The following PCCB variants were observed in gnomAD, a reference collection of about 807,000 sequenced individuals.
PCCB encodes propionyl-CoA carboxylase beta chain, mitochondrial.
Under a neutral mutation model 60.7 loss-of-function variants are expected in PCCB, and 43 were observed. The observed-to-expected ratio is 0.71, with a 90% CI of 0.55 to 0.91. PCCB has a LOEUF of 0.91. Ranked by LOEUF, PCCB falls within the 40% of genes least tolerant of loss-of-function variation. PCCB has a pLI of 0.00. For synonymous variants in PCCB, 276 were observed against 255.9 expected, an observed-to-expected ratio of 1.08 and a Z score of -0.75; for missense variants, 766 against 702.8, an observed-to-expected ratio of 1.09 and a Z score of -1.02.
chr3:136,294,383 C>T (rs1257342489), intron 7 of PCCB, among the ~76,000 whole-genome samples: 1 of 150,002 alleles, frequency 6.7e-6, no homozygotes, highest in Non-Finnish European at 1.5e-5. Context: ...ACAATCTTAG[C>T]TTATTGCAAC....
intron 8 of PCCB, among the ~76,000 whole-genome samples, chr3:136,300,826 C>T (rs1279939652): frequency 2.6e-5 from 4 of 152,146 alleles, no homozygotes. Flanking sequence ...ACCAGAAGAT[C>T]TTTTGGATTG....
chr3:136,269,846 A>T (rs1237561207), intron 5 of PCCB, among the ~76,000 whole-genome samples: 2 of 145,940 alleles, frequency 1.4e-5, no homozygotes, highest in African/African-American at 5.1e-5. Context: ...AGATCGTGCT[A>T]CTGCACTCCA....
At chr3:136,287,443 T>G (rs560261662) in intron 6 of PCCB, among the ~76,000 whole-genome samples, 2 of 152,140 alleles carry the variant, frequency 1.3e-5, no homozygotes, top group South Asian at 4.1e-4. Context: ...TTTTTTGTTT[T>G]TTTTTTGAGA....
At position 136,308,418 on chromosome 3, in the gene PCCB, G is replaced by A. The variant is rs1934528196; in HGVS notation, c.966+7307G>A. 3.3e-5 allele frequency among the ~76,000 whole-genome samples: 5 copies of A among 152,148 alleles called. No homozygotes were observed. The South Asian group carries it at 1.0e-3, about 32-fold the overall frequency. On this transcript the variant is annotated intron_variant, in intron 9 of 14. Transcript: ENST00000251654. ...TCACAATGATAATGTAAAGCATATC[G>A]AATATCTGTGCCAGAAATAACCACC...
In PCCB at chr3:136,264,440, G is replaced by GTGTATATATATATATATATATATA; in HGVS notation, c.543+2376_543+2377insGTATATATATATATATATATATAT. 7.2e-3 allele frequency among the ~76,000 whole-genome samples: 884 copies of GTGTATATATATATATATATATATA among 123,534 alleles called. 60 individuals carry two copies. Among genetic ancestry groups the GTGTATATATATATATATATATATA allele is most frequent in the African/African-American group, 0.021 (707 of 32,918 alleles). 81.0% of individuals were successfully genotyped at this position (123,534 alleles called of 152,430 possible). On this transcript the variant is annotated intron_variant, in intron 5 of 14. Transcript: ENST00000251654. ...CTGTCTCTCATATATATGTGTGTGTGTATATATGTATATATATATATGTTC... is the reference window on the plus strand; with the variant it reads ...CTGTCTCTCATATATATGTGTGTGTGTGTATATATATATATATATATATATATATATGTATATATATATATGTTC...
In PCCB at chr3:136,255,726, G is replaced by C; in HGVS notation, c.184-130G>C. On this transcript the variant is annotated intron_variant, in intron 1 of 14. Transcript: ENST00000251654. ...ACACCTATCTGCCTTGGGCAGGTTG[G>C]ATAGAATGAAAGTACTTGCATTGAG... The C allele has an allele frequency of 3.7e-6, 3 of 814,554 alleles. No homozygotes were observed. In the South Asian group the frequency reaches 4.1e-5, roughly 11 times the overall value. The allele number at this position is 814,554 out of a possible 1,614,324, so 50.5% of individuals were successfully genotyped here. A position where few individuals can be genotyped will look rare whatever the true frequency, so the allele number is the denominator to read the frequency against.
At chr3:136,329,792 G>T in intron 14 of PCCB, 113 bp from the exon 15 acceptor site, 2 of 1,103,158 alleles carry the variant, frequency 1.8e-6, no homozygotes, top group Non-Finnish European at 1.4e-6. Flanking sequence ...GTATCAGGTT[G>T]GGCACTGCTT....
At position 136,250,603 on chromosome 3, in the gene PCCB, G is replaced by A. The variant is rs1300901760; in HGVS notation, c.183+45G>A. On this transcript the variant is annotated intron_variant, in intron 1 of 14. Transcript: ENST00000251654. ...AGTGAGTCCCGCCCCTGGCGTCCGC[G>A]ACCTATCACTGCGTGCCCGGCTTGC... 3 of 1,563,876 alleles carry A rather than the reference G, an allele frequency of 1.9e-6. No homozygotes were observed. In the Admixed American group the frequency reaches 5.5e-5, roughly 29 times the overall value.
chr3:136,314,724 A>T (rs1439456393), intron 9 of PCCB, among the ~76,000 whole-genome samples: 1 of 152,196 alleles, frequency 6.6e-6, no homozygotes, highest in African/African-American at 2.4e-5. Context: ...TCATGACAGT[A>T]ATGAGTCAGG....
chr3:136,312,216 C>A (rs1934695754), intron 9 of PCCB, among the ~76,000 whole-genome samples: 2 of 152,218 alleles, frequency 1.3e-5, no homozygotes, highest in South Asian at 2.1e-4. Flanking sequence ...CTTTGTGCGA[C>A]CATCATAGAG....
At chr3:136,319,487 C>A (rs1476872794) in intron 10 of PCCB, among the ~76,000 whole-genome samples, 1 of 151,758 alleles carries the variant, frequency 6.6e-6, no homozygotes, top group Non-Finnish European at 1.5e-5. Context: ...ATCTCTGTGC[C>A]CCGAGTTTCA....
chr3:136,253,759 C>G (rs1941592080), intron 1 of PCCB, among the ~76,000 whole-genome samples: 1 of 150,850 alleles, frequency 6.6e-6, no homozygotes, highest in African/African-American at 2.4e-5. Context: ...CATCCTCGAC[C>G]TCTGGGCTCC....
chr3:136,253,471 G>C (rs1399967742), intron 1 of PCCB, among the ~76,000 whole-genome samples: 1 of 151,602 alleles, frequency 6.6e-6, no homozygotes, highest in African/African-American at 2.4e-5. Context: ...TACAACCTCT[G>C]CTTCCCAGGT....
chr3:136,320,059 A>G (rs1198197856), intron 10 of PCCB, among the ~76,000 whole-genome samples: 1 of 152,166 alleles, frequency 6.6e-6, no homozygotes, highest in Non-Finnish European at 1.5e-5. Flanking sequence ...GTTGGTCTGT[A>G]TGTCTGTCCA....
At chr3:136,328,237 C>T (rs1301587415) in intron 13 of PCCB, among the ~76,000 whole-genome samples, 2 of 152,050 alleles carry the variant, frequency 1.3e-5, no homozygotes, top group Middle Eastern at 3.2e-3. Context: ...CTATTGTGGT[C>T]GAATCAGATA....
intron 1 of PCCB, chr3:136,251,276 C>T (rs1046501057): frequency 1.5e-5 from 7 of 456,542 alleles, no homozygotes; most frequent in Non-Finnish European, 2.2e-5. Context: ...ATAAGCTGGG[C>T]GGCCCATTTT....
rs1206910022 is a variant in PCCB, at chr3:136,305,531, T to C, written c.966+4420T>C. On this transcript the variant is annotated intron_variant, in intron 9 of 14. Transcript: ENST00000251654. Reference sequence around the variant, plus strand: ...TGGGAGGCTGAGGCGGGTGGATCACTTGAGGTCAGGAGTTCGAGACCAGCT... The same window carrying C: ...TGGGAGGCTGAGGCGGGTGGATCACCTGAGGTCAGGAGTTCGAGACCAGCT... Among the ~76,000 whole-genome samples the C allele has an allele frequency of 2.5e-5, 3 of 118,890 alleles. 1 individual carries two copies. Among genetic ancestry groups the C allele is most frequent in the Non-Finnish European group, 5.6e-5 (3 of 53,476 alleles). 78.0% of individuals were successfully genotyped at this position (118,890 alleles called of 152,430 possible). A position where few individuals can be genotyped will look rare whatever the true frequency, so the allele number is the denominator to read the frequency against.
chr3:136,299,538 G>A (rs944433089), intron 8 of PCCB, among the ~76,000 whole-genome samples: 6 of 70,374 alleles, frequency 8.5e-5, no homozygotes, highest in Admixed American at 2.2e-4. Context: ...GTATATGCAT[G>A]TGTATAGGTA....
At chr3:136,250,599 C>T (rs1276325336) in intron 1 of PCCB, 41 bp downstream of exon 1, 1 of 1,573,942 alleles carries the variant, frequency 6.4e-7, no homozygotes, top group Non-Finnish European at 8.6e-7. Context: ...CCCCTGGCGT[C>T]CGCGACCTAT....
Sources: allele counts gnomAD v4.1 joint callset (sites outside exome capture counted in the v4.1 genomes callset), GRCh38; gene constraint gnomAD v4.1.1; transcripts MANE v1.5; gene names NCBI Gene and HGNC (gene_info 2026-07-23, HGNC 2026-07-21).